The following SLIT3 variants were observed in gnomAD, a reference collection of about 807,000 sequenced individuals.
SLIT3 encodes slit guidance ligand 3, also known as slit homolog 3 protein.
In SLIT3, 68 loss-of-function variants were observed where a neutral mutation model predicts 184.0. The observed-to-expected ratio is 0.37, with a 90% CI of 0.30 to 0.45. The LOEUF is 0.45. Among genes scored for constraint, SLIT3 ranks in the 20% least tolerant of loss-of-function variants. The probability of loss-of-function intolerance (pLI) is 1.00; values close to 1 mark genes in which losing one functional copy is unlikely to be tolerated. For missense variants in SLIT3, 1,707 were observed against 2,026.0 expected (o/e 0.84, Z 3.02); for synonymous variants, 831 against 828.6 (o/e 1.00, Z -0.05).
At chr5:169,155,840 A>G (rs1208846528) in intron 4 of SLIT3, among the ~76,000 whole-genome samples, 1 of 152,196 alleles carries the variant, frequency 6.6e-6, no homozygotes, top group East Asian at 1.9e-4. Context: ...AAGGACCACC[A>G]CTACTCCTTC....
rs555906105 is a variant in SLIT3, at chr5:169,020,323, T to C, written c.414-136987A>G. Among the ~76,000 whole-genome samples, 3 of 152,276 alleles carry C rather than the reference T, an allele frequency of 2.0e-5. No homozygotes were observed. The South Asian group carries it at 6.2e-4, about 32-fold the overall frequency. Reference sequence around the variant, plus strand: ...GTCCTGATCATGTGACTGAGTTCCATTCAAGGAGAGGAAATTGGCCTGGCT... The same window carrying C: ...GTCCTGATCATGTGACTGAGTTCCACTCAAGGAGAGGAAATTGGCCTGGCT... On this transcript the variant is annotated intron_variant, in intron 4 of 35. Transcript: ENST00000519560.
intron 4 of SLIT3, among the ~76,000 whole-genome samples, chr5:168,997,455 G>C (rs1755553401): frequency 6.6e-6 from 1 of 152,120 alleles, no homozygotes; most frequent in Non-Finnish European, 1.5e-5. Context: ...GAAAGAGGGA[G>C]GGTCTTCTCC....
intron 6 of SLIT3, among the ~76,000 whole-genome samples, chr5:168,840,633 C>T (rs1163404790): frequency 7.9e-5 from 12 of 152,146 alleles, no homozygotes; most frequent in Middle Eastern, 3.4e-3. Flanking sequence ...AGTATAAGCA[C>T]GACTTACTTG....
At chr5:169,264,121 G>A (rs763768612) in intron 1 of SLIT3, among the ~76,000 whole-genome samples, 6 of 151,972 alleles carry the variant, frequency 3.9e-5, no homozygotes, top group Non-Finnish European at 8.8e-5. Flanking sequence ...CATAGATAAA[G>A]TGACCATGCA....
intron 3 of SLIT3, among the ~76,000 whole-genome samples, chr5:169,199,255 C>T (rs1763842230): frequency 6.8e-6 from 1 of 147,200 alleles, no homozygotes; most frequent in Non-Finnish European, 1.5e-5. Flanking sequence ...TGCGTGAAGA[C>T]CTGGTTAAGG....
At chr5:168,735,661 T>TACACACACACAC (rs150528782) in intron 20 of SLIT3, among the ~76,000 whole-genome samples, 84 of 142,066 alleles carry the variant, frequency 5.9e-4, no homozygotes, top group African/African-American at 1.3e-3. Context: ...GACAGATAGA[T>TACACACACACAC]ACACACACAC....
At chr5:168,785,453 C>T (rs775017502) in intron 12 of SLIT3, among the ~76,000 whole-genome samples, 37 of 152,260 alleles carry the variant, frequency 2.4e-4, no homozygotes, top group Non-Finnish European at 4.7e-4. Flanking sequence ...ACTGATTATG[C>T]TCCTCTCGAA....
At chr5:169,273,642 A>G (rs1766704950) in intron 1 of SLIT3, among the ~76,000 whole-genome samples, 1 of 152,176 alleles carries the variant, frequency 6.6e-6, no homozygotes, top group Non-Finnish European at 1.5e-5. Flanking sequence ...GTTGAGAATC[A>G]TTGTTGGAGG....
At chr5:169,275,795 T>C (rs1766782369) in intron 1 of SLIT3, among the ~76,000 whole-genome samples, 2 of 152,246 alleles carry the variant, frequency 1.3e-5, no homozygotes, top group Non-Finnish European at 2.9e-5. Context: ...TTCTGGGAGA[T>C]ACAATTGAAG....
At chr5:168,686,894 C>A in intron 30 of SLIT3, 85 bp downstream of exon 30, 1 of 1,539,680 alleles carries the variant, frequency 6.5e-7, no homozygotes, top group Non-Finnish European at 8.9e-7. Context: ...GCCTGAGTCT[C>A]CATTCTGGCC....
At chr5:168,948,975 C>T (rs1463388695) in intron 4 of SLIT3, among the ~76,000 whole-genome samples, 1 of 152,200 alleles carries the variant, frequency 6.6e-6, no homozygotes, top group Non-Finnish European at 1.5e-5. Flanking sequence ...GCAGTTCCCA[C>T]ACCTGGCTGC....
At chr5:168,683,898 G>T in intron 32 of SLIT3, 68 bp downstream of exon 32, 2 of 1,360,870 alleles carry the variant, frequency 1.5e-6, no homozygotes, top group Non-Finnish European at 9.6e-7. Flanking sequence ...CCCCTTCTGA[G>T]TTGCAGGCCC....
intron 1 of SLIT3, among the ~76,000 whole-genome samples, chr5:169,288,380 AT>A (rs1325913430): frequency 1.3e-5 from 2 of 151,434 alleles, no homozygotes; most frequent in East Asian, 1.9e-4. Flanking sequence ...CACTTGTACT[AT>A]TTTTTTATGA....
intron 5 of SLIT3, chr5:168,844,902 T>C (rs1239343342): frequency 1.5e-5 from 7 of 473,314 alleles, no homozygotes; most frequent in Non-Finnish European, 2.7e-5. Flanking sequence ...GCGCATTTTT[T>C]TTTTTTTTTT....
At chr5:169,154,753 G>A (rs1216351607) in intron 4 of SLIT3, among the ~76,000 whole-genome samples, 2 of 152,234 alleles carry the variant, frequency 1.3e-5, no homozygotes, top group South Asian at 2.1e-4. Context: ...CACTATAAAT[G>A]TTAGTTATTA....
intron 4 of SLIT3, among the ~76,000 whole-genome samples, chr5:168,928,047 G>C (rs994386272): frequency 6.6e-6 from 1 of 152,192 alleles, no homozygotes; most frequent in African/African-American, 2.4e-5. Flanking sequence ...CCTCACATCA[G>C]ATGAAGACCT....
intron 3 of SLIT3, among the ~76,000 whole-genome samples, chr5:169,219,386 C>T (rs142630937): frequency 1.5e-3 from 232 of 152,372 alleles, no homozygotes; most frequent in African/African-American, 5.2e-3. Flanking sequence ...TTATTAATCT[C>T]GCTTTACAGA....
chr5:168,684,172 T>C, intron 31 of SLIT3, 76 bp from the exon 32 acceptor site: 1 of 1,382,608 alleles, frequency 7.2e-7, no homozygotes, highest in Non-Finnish European at 9.6e-7. Flanking sequence ...CACAGAGCCC[T>C]CTTCCAGGCA....
chr5:169,092,006 G>C (rs1759606078), intron 4 of SLIT3, among the ~76,000 whole-genome samples: 1 of 152,194 alleles, frequency 6.6e-6, no homozygotes, highest in Admixed American at 6.5e-5. Flanking sequence ...CGGATCACCT[G>C]AGGTTGGAAG....
Sources: gnomAD v4.1 joint callset for allele counts (sites outside exome capture counted in the v4.1 genomes callset) on GRCh38, gnomAD v4.1.1 for gene constraint, MANE v1.5 for transcripts, NCBI Gene and HGNC (gene_info 2026-07-23, HGNC 2026-07-21) for gene names.